MYEF2: variants seen among roughly 807,000 people sequenced by gnomAD.
MYEF2 encodes the protein myelin gene expression factor 2.
In MYEF2, 37 loss-of-function variants were observed where a neutral mutation model predicts 75.2. The observed-to-expected ratio is 0.49, with a 90% confidence interval of 0.38 to 0.65. MYEF2 has a LOEUF of 0.65. Ranked by LOEUF, MYEF2 falls within the 30% of genes least tolerant of loss-of-function variation. The pLI, the probability that MYEF2 is intolerant of heterozygous loss-of-function variation, is 0.00. For synonymous variants in MYEF2, 195 were observed against 241.6 expected, an observed-to-expected ratio of 0.81 and a Z score of 1.79; for missense variants, 634 against 771.4, an observed-to-expected ratio of 0.82 and a Z score of 2.11.
At chr15:48,146,881 A>C (rs987436815) in intron 16 of MYEF2, among the ~76,000 whole-genome samples, 8 of 152,052 alleles carry the variant, frequency 5.3e-5, no homozygotes, top group Non-Finnish European at 1.2e-4. Flanking sequence ...TATAGTTGTC[A>C]ATAGCTGGAC....
intron 5 of MYEF2, chr15:48,162,663 C>T (rs1196016862): frequency 6.6e-6 from 1 of 152,166 alleles, no homozygotes; most frequent in Non-Finnish European, 1.5e-5. Context: ...ACCATTTTCC[C>T]AACATGTGCT....
intron 3 of MYEF2, 60 bp downstream of exon 3, chr15:48,167,288 CA>C: frequency 6.5e-7 from 1 of 1,539,716 alleles, no homozygotes; most frequent in Non-Finnish European, 8.9e-7. Context: ...AAGTATTATA[CA>C]AAAAGTAAAC....
Position 48,139,067 on chromosome 15 carries a change from G to C in MYEF2, c.*3841C>G, listed in dbSNP as rs759147814. On this transcript the variant is annotated 3_prime_UTR_variant, in exon 17 of 17. Transcript: ENST00000324324. Reference sequence around the variant, plus strand: ...TACATTACTTTTTCTAACCACACCAGATTGTAGAAAAAAGTTTTGGAAAAA... The same window carrying C: ...TACATTACTTTTTCTAACCACACCACATTGTAGAAAAAAGTTTTGGAAAAA... 5.6e-6 allele frequency: 9 copies of C among 1,612,978 alleles called. No homozygotes were observed.
chr15:48,161,592 A>G (rs1301109755), intron 5 of MYEF2, among the ~76,000 whole-genome samples: 2 of 151,700 alleles, frequency 1.3e-5, no homozygotes, highest in East Asian at 3.9e-4. Context: ...TGGATTATAT[A>G]ACTCCAGGGT....
At position 48,175,933 on chromosome 15, in the gene MYEF2, C is replaced by A. The variant is rs2140948732; in HGVS notation, c.161+2144G>T. On this transcript the variant is annotated intron_variant, in intron 1 of 16. Coordinates refer to ENST00000324324, the MANE Select transcript of MYEF2 (RefSeq NM_016132.5). ...TATGAGTTTCATAAGCATGAAAGTTCACTTCTGCATTTCTTCCACAAATAT... is the reference window on the plus strand; with the variant it reads ...TATGAGTTTCATAAGCATGAAAGTTAACTTCTGCATTTCTTCCACAAATAT... 1.3e-5 allele frequency among the ~76,000 whole-genome samples: 2 copies of A among 152,112 alleles called. 1 individual carries two copies. The highest frequency in any genetic ancestry group is 3.9e-4 in the East Asian group (2 of 5,180).
intron 8 of MYEF2, 46 bp from the exon 9 acceptor site, chr15:48,158,102 G>C (rs1417617312): frequency 1.9e-6 from 3 of 1,610,676 alleles, no homozygotes; most frequent in Non-Finnish European, 2.5e-6. Context: ...TTACCACAAA[G>C]AACTGTAATG....
In MYEF2 at chr15:48,143,035, C is replaced by A; in HGVS notation, c.1676G>T (p.Gly559Val). 6.3e-7 allele frequency: 1 copy of A among 1,575,204 alleles called. No individual in the cohort carries two copies. The highest frequency in any genetic ancestry group is 1.2e-5 in the South Asian group (1 of 83,692). Residue 559 changes from glycine (G) to valine (V), a missense_variant, in exon 17 of 17, where the codon GGA (glycine) becomes GTA (valine). By Grantham distance (109) the Gly-to-Val change is moderately radical (BLOSUM62 -3). Transcript: ENST00000324324. ...GACTGTTCCACAGCCTTTTGACTTT[C>A]CATTCTCCATTTTTATTTCTGCAAA... ...VMFAEIKMENGKSKGCGTVRF... is the reference protein window; with the variant it reads ...VMFAEIKMENVKSKGCGTVRF...
chr15:48,144,321 C>T (rs2039199200), intron 16 of MYEF2, among the ~76,000 whole-genome samples: 1 of 152,040 alleles, frequency 6.6e-6, no homozygotes, highest in African/African-American at 2.4e-5. Flanking sequence ...TTACCTATAA[C>T]ATGATGGACT....
intron 5 of MYEF2, among the ~76,000 whole-genome samples, chr15:48,162,306 C>T (rs1460034909): frequency 6.6e-6 from 1 of 152,066 alleles, no homozygotes; most frequent in Non-Finnish European, 1.5e-5. Flanking sequence ...GTGCTTTGTA[C>T]ACTGGTAATA....
Position 48,134,935 on chromosome 15 carries a change from A to G in MYEF2, c.*7973T>C, listed in dbSNP as rs1168442969. ...ATTCAGAGACTGTGCAGCGTACACA[A>G]TTAGTGCAGCAGCAGTTCTTGGTAT... On this transcript the variant is annotated 3_prime_UTR_variant, in exon 17 of 17. Transcript: ENST00000324324. The G allele has an allele frequency of 6.2e-7, 1 of 1,612,518 alleles. No homozygotes were observed. Among genetic ancestry groups the G allele is most frequent in the Non-Finnish European group, 8.5e-7 (1 of 1,178,910 alleles).
At position 48,134,831 on chromosome 15, in the gene MYEF2, T is replaced by C. The variant is rs2038856746; in HGVS notation, c.*8077A>G. 1.5e-5 allele frequency: 20 copies of C among 1,325,840 alleles called. No homozygotes were observed. Among genetic ancestry groups the C allele is most frequent in the Non-Finnish European group, 2.0e-5 (19 of 931,880 alleles). 82.1% of individuals were successfully genotyped at this position (1,325,840 alleles called of 1,614,324 possible). On this transcript the variant is annotated 3_prime_UTR_variant, in exon 17 of 17. Coordinates refer to ENST00000324324, the MANE Select transcript of MYEF2 (RefSeq NM_016132.5). ...AACAATTTTAGTATTATACTAAGGA[T>C]TGTACTTGAAGAAGTTACAATGTAA...
chr15:48,144,821 T>C (rs1307733247), intron 16 of MYEF2, among the ~76,000 whole-genome samples: 1 of 151,836 alleles, frequency 6.6e-6, no homozygotes, highest in African/African-American at 2.4e-5. Flanking sequence ...CTGTGGAGGA[T>C]TTTCAAGGGC....
At position 48,141,509 on chromosome 15, in the gene MYEF2, G is replaced by A. The variant is rs545546476; in HGVS notation, c.*1399C>T. 8.1e-5 allele frequency: 17 copies of A among 209,404 alleles called. No homozygotes were observed. The highest frequency in any genetic ancestry group is 8.1e-4 in the South Asian group (9 of 11,154). 13.0% of individuals were successfully genotyped at this position (209,404 alleles called of 1,614,324 possible). A position where few individuals can be genotyped will look rare whatever the true frequency, so the allele number is the denominator to read the frequency against. On this transcript the variant is annotated 3_prime_UTR_variant, in exon 17 of 17. Transcript: ENST00000324324. ...GGAGAATTGTTTGAATCCAGGAGGC[G>A]GAGGTTGCAGTGAGCCGAGATTGCG...
intron 6 of MYEF2, 124 bp from the exon 7 acceptor site, chr15:48,159,046 G>T (rs772983961): frequency 3.6e-5 from 28 of 783,724 alleles, no homozygotes; most frequent in Non-Finnish European, 4.9e-5. Context: ...ACAATATATT[G>T]ATAATGTTCA....
At chr15:48,166,061 G>T in intron 4 of MYEF2, 35 bp from the exon 5 acceptor site, 1 of 1,573,070 alleles carries the variant, frequency 6.4e-7, no homozygotes, top group East Asian at 2.2e-5. Flanking sequence ...AAATGTTTAT[G>T]TGCTAATTTT....
At chr15:48,157,951 C>CA (rs752549515) in intron 9 of MYEF2, 42 bp downstream of exon 9, 11 of 1,607,824 alleles carry the variant, frequency 6.8e-6, no homozygotes, top group East Asian at 2.2e-5. Flanking sequence ...TAAAACAAAC[C>CA]AAAAAAAGCC....
At chr15:48,174,875 T>C (rs991369694) in intron 1 of MYEF2, among the ~76,000 whole-genome samples, 2 of 152,036 alleles carry the variant, frequency 1.3e-5, no homozygotes, top group African/African-American at 4.8e-5. Context: ...GAAAACAGCA[T>C]CAAGGGTCCA....
chr15:48,134,678 A>G lies in MYEF2; in HGVS notation c.*8230T>C, dbSNP rs1305876345. 1.4e-6 allele frequency: 1 copy of G among 723,390 alleles called. No individual in the cohort carries two copies. Among genetic ancestry groups the G allele is most frequent in the Non-Finnish European group, 2.3e-6 (1 of 441,234 alleles). 44.8% of individuals were successfully genotyped at this position (723,390 alleles called of 1,614,324 possible). The stretch of plus-strand genomic sequence containing the variant: ...ATCAGTAGAAAAACAACATGTATTC[A>G]ATTTAATGTTAATCCACAAATAGCT... On this transcript the variant is annotated 3_prime_UTR_variant, in exon 17 of 17. Transcript: ENST00000324324.
At chr15:48,171,619 A>G (rs905932494) in intron 1 of MYEF2, among the ~76,000 whole-genome samples, 4 of 152,102 alleles carry the variant, frequency 2.6e-5, no homozygotes, top group South Asian at 2.1e-4. Context: ...AAAAAGAAAA[A>G]AAACTATAAA....
Sources: gnomAD v4.1 joint callset for allele counts (sites outside exome capture counted in the v4.1 genomes callset) on GRCh38, gnomAD v4.1.1 for gene constraint, MANE v1.5 for transcripts, NCBI Gene and HGNC (gene_info 2026-07-23, HGNC 2026-07-21) for gene names.